CLCN5: variants seen among roughly 807,000 people sequenced by gnomAD.
CLCN5 encodes the protein Cl-/H+ antiporter 5, also known as H(+)/Cl(-) exchange transporter 5.
A neutral mutation model predicts 54.0 loss-of-function variants in CLCN5; 17 were observed. The observed-to-expected ratio is 0.31, with a 90% CI of 0.22 to 0.47. The LOEUF is 0.47. Among genes scored for constraint, CLCN5 ranks in the 20% least tolerant of loss-of-function variants. The pLI, the probability that CLCN5 is intolerant of heterozygous loss-of-function variation, is 1.00. For missense variants in CLCN5, 448 were observed against 646.7 expected, an observed-to-expected ratio of 0.69 and a Z score of 3.33; for synonymous variants, 222 against 233.0, an observed-to-expected ratio of 0.95 and a Z score of 0.43.
At chrX:50,056,908 G>C (rs998400236) in intron 4 of CLCN5, among the ~76,000 whole-genome samples, 1 of 111,849 alleles carries the variant, frequency 8.9e-6, no homozygotes, top group African/African-American at 3.3e-5. Context: ...AGTTCTTGCA[G>C]TTCCATTTCC....
intron 3 of CLCN5, among the ~76,000 whole-genome samples, chrX:50,012,189 C>T (rs188225351): frequency 8.1e-5 from 9 of 111,352 alleles, no homozygotes; most frequent in Non-Finnish European, 1.7e-4. Context: ...CCCTCTCCAA[C>T]CCCCCAACAG....
intron 3 of CLCN5, among the ~76,000 whole-genome samples, chrX:49,948,378 C>T (rs1174780275): frequency 9.0e-6 from 1 of 110,992 alleles, no homozygotes; most frequent in Non-Finnish European, 1.9e-5. Context: ...ATCAGGATAC[C>T]CTTACTTGGA....
At chrX:49,939,907 C>T (rs925599338) in intron 3 of CLCN5, among the ~76,000 whole-genome samples, 7 of 111,725 alleles carry the variant, frequency 6.3e-5, no homozygotes, top group African/African-American at 2.3e-4. Context: ...GAATGTTCTA[C>T]ATGAATCTTA....
chrX:50,016,406 A>G (rs1557183545), intron 3 of CLCN5, among the ~76,000 whole-genome samples: 1 of 110,910 alleles, frequency 9.0e-6, no homozygotes, highest in African/African-American at 3.3e-5. Flanking sequence ...AAAAGATTGA[A>G]TGGAAAGTAT....
chrX:49,952,876 G>A (rs187827001), intron 3 of CLCN5, among the ~76,000 whole-genome samples: 3 of 110,083 alleles, frequency 2.7e-5, no homozygotes, highest in Non-Finnish European at 5.7e-5. Flanking sequence ...ACTTCTAGAC[G>A]TGTGTGTGTA....
chrX:50,086,910 CTG>C (rs1365846536), intron 11 of CLCN5, 40 bp downstream of exon 11: 10 of 1,167,292 alleles, frequency 8.6e-6, no homozygotes, highest in Admixed American at 2.2e-5. Context: ...GCATGCGTAG[CTG>C]TGGGTTTTGG....
chrX:50,090,855 G>GGACTGC lies in CLCN5; in HGVS notation c.2331_2336dup (p.Leu778_Arg779dup). The GGACTGC allele has an allele frequency of 8.3e-7, 1 of 1,210,834 alleles. No homozygotes were observed. Among genetic ancestry groups the GGACTGC allele is most frequent in the Non-Finnish European group, 1.1e-6 (1 of 894,784 alleles). On this transcript the variant is annotated inframe_insertion, in exon 14 of 15. Transcript: ENST00000376091. ...CGTAGTGGATATTTTCCGAAAGCTG[G>GGACTGC]GACTGCGGCAGTGCCTGGTTACACA...
chrX:49,926,703 A>G (rs782467584), intron 3 of CLCN5, among the ~76,000 whole-genome samples: 55 of 112,145 alleles, frequency 4.9e-4, no homozygotes, highest in African/African-American at 1.5e-3. Flanking sequence ...AGAGCCTTGT[A>G]TGTTCTAGGA....
Position 50,042,347 on chromosome X carries a change from G to T in CLCN5, c.48G>T (p.Gly16=), listed in dbSNP as rs1932251426. The T allele has an allele frequency of 2.6e-6, 3 of 1,174,671 alleles. No individual in the cohort carries two copies. In the South Asian group the frequency reaches 6.1e-5, roughly 24 times the overall value. The change falls in exon 4 of 15, where the codon GGG becomes GGT. Residue 16 remains glycine, a synonymous_variant. Coordinates refer to ENST00000376091, the MANE Select transcript of CLCN5 (RefSeq NM_001127898.4). ...TGGATAACAGAGGCTTTCAGCAGGG[G>T]AGTTTTAGTAGCTTCCAGAACAGCT... ...GAMDNRGFQQ[G]SFSSFQNSSS...
chrX:49,961,599 G>T (rs1557174699), intron 3 of CLCN5, among the ~76,000 whole-genome samples: 1 of 111,705 alleles, frequency 9.0e-6, no homozygotes, highest in Non-Finnish European at 1.9e-5. Flanking sequence ...GATCATAACT[G>T]TGAGATTATT....
intron 3 of CLCN5, among the ~76,000 whole-genome samples, chrX:49,960,178 C>T (rs1462412640): frequency 9.0e-6 from 1 of 110,684 alleles, no homozygotes; most frequent in Non-Finnish European, 1.9e-5. Context: ...TATTAATTCC[C>T]ACAGTATCCT....
At chrX:50,006,826 G>A (rs1557181455) in intron 3 of CLCN5, among the ~76,000 whole-genome samples, 1 of 111,888 alleles carries the variant, frequency 8.9e-6, no homozygotes, top group African/African-American at 3.3e-5. Flanking sequence ...TAGGGAGCCA[G>A]AAGAGAACAG....
chrX:49,944,407 C>G lies in CLCN5; in HGVS notation c.16+19093C>G, dbSNP rs189931495. Among the ~76,000 whole-genome samples, 653 of 110,588 alleles carry G rather than the reference C, an allele frequency of 5.9e-3. 2 individuals are homozygous for G. Among genetic ancestry groups the G allele is most frequent in the Middle Eastern group, 0.014 (3 of 216 alleles). Reference sequence around the variant, plus strand: ...TGAATACCCTTTATTTCCTTCTCCTCCCTGATTGCCCTGGCCAGAACTTCC... The same window carrying G: ...TGAATACCCTTTATTTCCTTCTCCTGCCTGATTGCCCTGGCCAGAACTTCC... On this transcript the variant is annotated intron_variant, in intron 3 of 14. Coordinates refer to ENST00000376091, the MANE Select transcript of CLCN5 (RefSeq NM_001127898.4).
At chrX:50,044,765 C>A (rs1329615504) in intron 4 of CLCN5, among the ~76,000 whole-genome samples, 2 of 111,250 alleles carry the variant, frequency 1.8e-5, no homozygotes, top group African/African-American at 6.5e-5. Context: ...AATGGCTTGA[C>A]CATTGTGCGG....
intron 4 of CLCN5, among the ~76,000 whole-genome samples, chrX:50,062,857 C>A (rs1932882046): frequency 1.9e-5 from 2 of 105,830 alleles, no homozygotes; most frequent in African/African-American, 3.7e-5. Context: ...AAGAATCTCA[C>A]TCAAAGCCGC....
At chrX:49,959,031 C>A (rs1014077226) in intron 3 of CLCN5, among the ~76,000 whole-genome samples, 2 of 107,538 alleles carry the variant, frequency 1.9e-5, no homozygotes, top group Non-Finnish European at 3.8e-5. Flanking sequence ...GTTCTTTAGT[C>A]ACTTCTCCTT....
intron 3 of CLCN5, among the ~76,000 whole-genome samples, chrX:49,950,741 T>C (rs1557172892): frequency 9.0e-6 from 1 of 111,514 alleles, no homozygotes; most frequent in African/African-American, 3.3e-5. Flanking sequence ...AGTGTATATA[T>C]TTATATACAC....
intron 4 of CLCN5, among the ~76,000 whole-genome samples, chrX:50,062,812 C>G (rs1477857903): frequency 9.7e-6 from 1 of 103,012 alleles, no homozygotes; most frequent in African/African-American, 4.0e-5. Context: ...AACTATCTCT[C>G]AGACCACAGT....
At chrX:50,050,263 T>G (rs1368515053) in intron 4 of CLCN5, 2 of 111,775 alleles carry the variant, frequency 1.8e-5, no homozygotes, top group African/African-American at 6.5e-5. Flanking sequence ...TTTTGTTTTG[T>G]TTTGTTTCAT....
Sources: allele counts gnomAD v4.1 joint callset (sites outside exome capture counted in the v4.1 genomes callset), GRCh38; gene constraint gnomAD v4.1.1; transcripts MANE v1.5; gene names NCBI Gene and HGNC (gene_info 2026-07-23, HGNC 2026-07-21).